PACS1: variants seen among roughly 807,000 people sequenced by gnomAD.
PACS1 encodes the protein phosphofurin acidic cluster sorting protein 1, also known as PACS-1.
A neutral mutation model predicts 115.0 loss-of-function variants in PACS1; 24 were observed. The ratio of observed to expected loss-of-function variants is 0.21; its 90% confidence interval spans 0.15 to 0.29. PACS1 has a LOEUF of 0.29. Ranked by LOEUF, PACS1 falls within the 10% of genes least tolerant of loss-of-function variation. The pLI is 1.00. For synonymous variants in PACS1, 453 were observed against 504.5 expected (o/e 0.90, Z 1.37); for missense variants, 838 against 1,251.2 (o/e 0.67, Z 4.98).
At chr11:66,078,047 T>A (rs1184307977) in intron 1 of PACS1, among the ~76,000 whole-genome samples, 1 of 152,138 alleles carries the variant, frequency 6.6e-6, no homozygotes, top group Non-Finnish European at 1.5e-5. Flanking sequence ...ATATTTGAGT[T>A]TAGTGCTAGC....
intron 1 of PACS1, among the ~76,000 whole-genome samples, chr11:66,181,644 TTCTTG>T (rs1860013829): frequency 6.6e-6 from 1 of 152,242 alleles, no homozygotes; most frequent in Non-Finnish European, 1.5e-5. Flanking sequence ...TTTCTAATAT[TTCTTG>T]TCTTAGGAGT....
intron 1 of PACS1, among the ~76,000 whole-genome samples, chr11:66,187,043 C>T (rs1240231415): frequency 6.6e-6 from 1 of 152,206 alleles, no homozygotes. Flanking sequence ...GGTTTTGAAT[C>T]ATCCATGTTG....
intron 16 of PACS1, 83 bp from the exon 17 acceptor site, chr11:66,234,049 A>C: frequency 6.5e-7 from 1 of 1,542,470 alleles, no homozygotes; most frequent in East Asian, 2.2e-5. Context: ...AGTCAAGGAG[A>C]CCAAGGCCGT....
chr11:66,136,037 G>C (rs1858834560), intron 1 of PACS1, among the ~76,000 whole-genome samples: 1 of 152,110 alleles, frequency 6.6e-6, no homozygotes, highest in African/African-American at 2.4e-5. Flanking sequence ...CCACCTGTCA[G>C]TTGAATTATT....
At chr11:66,145,835 A>G (rs1640607152) in intron 1 of PACS1, among the ~76,000 whole-genome samples, 1 of 152,222 alleles carries the variant, frequency 6.6e-6, no homozygotes, top group South Asian at 2.1e-4. Context: ...CTGATCACTA[A>G]GCTGTGTGTC....
At chr11:66,075,387 C>T (rs1183039767) in intron 1 of PACS1, among the ~76,000 whole-genome samples, 2 of 151,952 alleles carry the variant, frequency 1.3e-5, no homozygotes, top group Non-Finnish European at 2.9e-5. Context: ...ACCATAGGCA[C>T]TTGCCACCAT....
intron 1 of PACS1, among the ~76,000 whole-genome samples, chr11:66,152,738 G>T (rs145850826): frequency 6.6e-6 from 1 of 152,110 alleles, no homozygotes; most frequent in Non-Finnish European, 1.5e-5. Context: ...GCATGGGGAG[G>T]GGAAGCAGGT....
At chr11:66,077,549 A>T (rs1361794530) in intron 1 of PACS1, among the ~76,000 whole-genome samples, 1 of 152,222 alleles carries the variant, frequency 6.6e-6, no homozygotes, top group Non-Finnish European at 1.5e-5. Flanking sequence ...CAACAGAGTA[A>T]GACCCTGTCT....
chr11:66,200,478 CAAAAA>C (rs779225242), intron 2 of PACS1, among the ~76,000 whole-genome samples: 1 of 138,140 alleles, frequency 7.2e-6, no homozygotes, highest in African/African-American at 2.6e-5. Context: ...TGGAAACAAA[CAAAAA>C]AAAAAAGAGT....
In PACS1 at chr11:66,210,394, C is replaced by A; in HGVS notation, c.477C>A (p.Ile159=). ...GSKRILRSNE[I]VLPASGLVET... is the part of the protein sequence containing the mutation. ...AAAGAATTCTTCGCTCCAACGAGAT[C>A]GTCCTTCCAGCTAGTGGACTGGTGG... The change falls in exon 3 of 24, where the codon ATC becomes ATA. Residue 159 remains isoleucine (I), a synonymous_variant. Coordinates refer to ENST00000320580, the MANE Select transcript of PACS1 (RefSeq NM_018026.4). 6.2e-7 allele frequency: 1 copy of A among 1,614,026 alleles called. No individual in the cohort carries two copies. Among genetic ancestry groups the A allele is most frequent in the Non-Finnish European group, 8.5e-7 (1 of 1,179,896 alleles).
intron 4 of PACS1, among the ~76,000 whole-genome samples, chr11:66,213,663 T>G (rs995391281): frequency 6.6e-6 from 1 of 152,280 alleles, no homozygotes; most frequent in Non-Finnish European, 1.5e-5. Flanking sequence ...CACACATCGA[T>G]AATTTCAGTT....
chr11:66,125,830 G>A (rs545183215), intron 1 of PACS1, among the ~76,000 whole-genome samples: 24 of 151,998 alleles, frequency 1.6e-4, no homozygotes, highest in Middle Eastern at 3.4e-3. Context: ...ACTTGAGGTC[G>A]GGAGTTCAAG....
chr11:66,232,787 C>T (rs1016742291), intron 14 of PACS1, among the ~76,000 whole-genome samples, 173 bp from the exon 15 acceptor site: 3 of 152,174 alleles, frequency 2.0e-5, no homozygotes, highest in African/African-American at 7.2e-5. Context: ...TGGGTCGGCC[C>T]CACCCCCTCC....
intron 13 of PACS1, chr11:66,231,781 A>ACTGCCCT: frequency 4.4e-6 from 1 of 224,890 alleles, no homozygotes; most frequent in Non-Finnish European, 9.0e-6. Flanking sequence ...TTCTCTCCCC[A>ACTGCCCT]CTGCCCTCGT....
At position 66,146,976 on chromosome 11, in the gene PACS1, G is replaced by C. The variant is rs558853387; in HGVS notation, c.357-46510G>C. Among the ~76,000 whole-genome samples the C allele has an allele frequency of 2.0e-4, 30 of 152,328 alleles. No individual in the cohort carries two copies. In the South Asian group the frequency reaches 6.0e-3, roughly 30 times the overall value. ...GGAGGCTGAGGCAGGAGAATCGCTTGAACCTGGAAAGTGGAGCTTGCAGTG... is the reference window on the plus strand; with the variant it reads ...GGAGGCTGAGGCAGGAGAATCGCTTCAACCTGGAAAGTGGAGCTTGCAGTG... On this transcript the variant is annotated intron_variant, in intron 1 of 23. Coordinates refer to ENST00000320580, the MANE Select transcript of PACS1 (RefSeq NM_018026.4).
chr11:66,172,036 T>A (rs2134640664), intron 1 of PACS1, among the ~76,000 whole-genome samples: 1 of 152,340 alleles, frequency 6.6e-6, no homozygotes, highest in East Asian at 1.9e-4. Context: ...AATGCTTTAA[T>A]TCAGTCAGTT....
intron 21 of PACS1, among the ~76,000 whole-genome samples, chr11:66,239,980 C>T (rs962948735): frequency 6.6e-6 from 1 of 152,254 alleles, no homozygotes. Flanking sequence ...CACGTAGTGA[C>T]GTGGATTGGG....
intron 1 of PACS1, among the ~76,000 whole-genome samples, chr11:66,175,808 G>A (rs1281930872): frequency 5.3e-5 from 8 of 152,146 alleles, no homozygotes; most frequent in Admixed American, 1.3e-4. Flanking sequence ...AAACCTGAGC[G>A]TCGTCTCTGA....
chr11:66,073,614 G>A (rs373735951), intron 1 of PACS1, among the ~76,000 whole-genome samples: 2 of 152,110 alleles, frequency 1.3e-5, no homozygotes, highest in East Asian at 1.9e-4. Context: ...TCTTCAGGTA[G>A]GTGTCTGCTC....
Sources: allele counts gnomAD v4.1 joint callset (sites outside exome capture counted in the v4.1 genomes callset), GRCh38; gene constraint gnomAD v4.1.1; transcripts MANE v1.5; gene names NCBI Gene and HGNC (gene_info 2026-07-23, HGNC 2026-07-21).